Variants in DYDC1 observed in about 807,000 individuals in gnomAD.
DYDC1 encodes the protein DPY30 domain containing 1.
A neutral mutation model predicts 27.9 loss-of-function variants in DYDC1; 21 were observed. That is an observed-to-expected ratio of 0.75 (90% confidence interval 0.53 to 1.08). DYDC1 has a LOEUF of 1.08. Among genes scored for constraint, DYDC1 ranks in the 50% least tolerant of loss-of-function variants. The pLI, the probability that DYDC1 is intolerant of heterozygous loss-of-function variation, is 0.00. For synonymous variants in DYDC1, 67 were observed against 65.8 expected, an observed-to-expected ratio of 1.02 and a Z score of -0.09; for missense variants, 202 against 205.9, an observed-to-expected ratio of 0.98 and a Z score of 0.12.
At chr10:80,348,404 T>A (rs983759224) in intron 3 of DYDC1, among the ~76,000 whole-genome samples, 4 of 152,212 alleles carry the variant, frequency 2.6e-5, no homozygotes, top group African/African-American at 9.6e-5. Flanking sequence ...TGGCAAAACA[T>A]CACTCATATG....
chr10:80,354,121 T>TAA (rs373127565), intron 1 of DYDC1, among the ~76,000 whole-genome samples: 13,951 of 143,892 alleles, frequency 0.097, 909 homozygotes, highest in South Asian at 0.27. Context: ...GTCTCATATA[T>TAA]AAAAAAAAAT....
Position 80,356,724 on chromosome 10 carries a change from G to A in DYDC1, c.-22C>T. 2 of 985,248 alleles carry A rather than the reference G, an allele frequency of 2.0e-6. No homozygotes were observed. Among genetic ancestry groups the A allele is most frequent in the Non-Finnish European group, 2.4e-6 (2 of 829,780 alleles). The allele number at this position is 985,248 out of a possible 1,614,324, so 61.0% of individuals were successfully genotyped here. ...CCGGTGCGCTCACCCCTACACACGC[G>A]CCTGCTCGCCACCCAGGAGCGGCGT... On this transcript the variant is annotated 5_prime_UTR_variant, in exon 1 of 7. Coordinates refer to ENST00000372202, the MANE Select transcript of DYDC1 (RefSeq NM_001269053.2).
intron 3 of DYDC1, among the ~76,000 whole-genome samples, chr10:80,348,869 C>T (rs1842819541): frequency 6.6e-6 from 1 of 152,096 alleles, no homozygotes; most frequent in African/African-American, 2.4e-5. Context: ...TGCATAAAAC[C>T]TCATTACAGA....
At chr10:80,337,242 C>A (rs1842162023) in intron 6 of DYDC1, 1 of 985,344 alleles carries the variant, frequency 1.0e-6, no homozygotes, top group Non-Finnish European at 1.2e-6. Flanking sequence ...CTCAAAGAAG[C>A]TTCCCCATTG....
chr10:80,346,476 T>TTTTTTTTTTTTTTTTTTTG (rs1193935552), intron 3 of DYDC1, among the ~76,000 whole-genome samples: 1 of 141,408 alleles, frequency 7.1e-6, no homozygotes, highest in East Asian at 2.0e-4. Context: ...TTTTTTCTTT[T>TTTTTTTTTTTTTTTTTTTG]TTGAGACGGA....
intron 4 of DYDC1, among the ~76,000 whole-genome samples, chr10:80,339,616 A>T (rs1454918759): frequency 1.3e-5 from 2 of 152,160 alleles, no homozygotes; most frequent in Middle Eastern, 3.2e-3. Flanking sequence ...GCCCTCTTTA[A>T]TACTCTGAGC....
chr10:80,345,935 G>C (rs1208750970), intron 3 of DYDC1, among the ~76,000 whole-genome samples: 1 of 152,134 alleles, frequency 6.6e-6, no homozygotes, highest in African/African-American at 2.4e-5. Flanking sequence ...TCAACCTCCA[G>C]GGCTCAATTA....
At chr10:80,355,237 A>G (rs1843289839) in intron 1 of DYDC1, among the ~76,000 whole-genome samples, 2 of 152,030 alleles carry the variant, frequency 1.3e-5, no homozygotes, top group South Asian at 4.2e-4. Context: ...GGACAAATGC[A>G]TCTAGCATTT....
intron 1 of DYDC1, chr10:80,356,130 G>T: frequency 1.9e-5 from 11 of 570,142 alleles, no homozygotes; most frequent in Non-Finnish European, 2.4e-5. Context: ...GCTCTGTCTC[G>T]GATTTCTGGG....
chr10:80,341,336 G>A (rs1227229209), intron 4 of DYDC1, among the ~76,000 whole-genome samples: 1 of 150,638 alleles, frequency 6.6e-6, no homozygotes, highest in East Asian at 2.0e-4. Context: ...CCAGCTACTC[G>A]GGAGGCTGAG....
chr10:80,350,922 C>A (rs368135964), intron 3 of DYDC1, among the ~76,000 whole-genome samples: 1 of 152,196 alleles, frequency 6.6e-6, no homozygotes, highest in Non-Finnish European at 1.5e-5. Flanking sequence ...CTACCCCAAT[C>A]CTGCTTCAAT....
At chr10:80,353,049 C>T (rs1040376436) in intron 1 of DYDC1, among the ~76,000 whole-genome samples, 2 of 151,960 alleles carry the variant, frequency 1.3e-5, no homozygotes, top group African/African-American at 4.8e-5. Flanking sequence ...GGGTTTGTAC[C>T]CACCTCTTGA....
rs1843365127 is a variant in DYDC1, at chr10:80,356,319, G to A, written c.-10+393C>T. 4.1e-6 allele frequency: 4 copies of A among 985,496 alleles called. No homozygotes were observed. In the South Asian group the frequency reaches 1.9e-4, roughly 46 times the overall value. The allele number at this position is 985,496 out of a possible 1,614,324, so 61.0% of individuals were successfully genotyped here. On this transcript the variant is annotated intron_variant, in intron 1 of 6. Coordinates refer to ENST00000372202, the MANE Select transcript of DYDC1 (RefSeq NM_001269053.2). ...CAGAAACAGCTGCCTCCAGCGTGAAGAAGGTGCCACAGAGATGGAAGGAGA... is the reference window on the plus strand; with the variant it reads ...CAGAAACAGCTGCCTCCAGCGTGAAAAAGGTGCCACAGAGATGGAAGGAGA...
At chr10:80,356,523 C>A in intron 1 of DYDC1, 189 bp downstream of exon 1, 1 of 985,524 alleles carries the variant, frequency 1.0e-6, no homozygotes, top group Non-Finnish European at 1.2e-6. Flanking sequence ...CAGCGCTCCC[C>A]GCTCAGGGGG....
At chr10:80,338,768 T>C (rs1342245389) in intron 5 of DYDC1, among the ~76,000 whole-genome samples, 197 bp from the exon 6 acceptor site, 3 of 152,202 alleles carry the variant, frequency 2.0e-5, no homozygotes, top group Non-Finnish European at 4.4e-5. Context: ...AAGCTACAAT[T>C]CTGGTAATAA....
chr10:80,352,448 T>G lies in DYDC1; in HGVS notation c.147+7A>C. 1 of 1,592,170 alleles carries G rather than the reference T, an allele frequency of 6.3e-7. No homozygotes were observed. On this transcript the variant is annotated splice_region_variant and intron_variant, in intron 2 of 6. Coordinates refer to ENST00000372202, the MANE Select transcript of DYDC1 (RefSeq NM_001269053.2). ...TTCTAATTTCCTAGAAGGAGATTCC[T>G]ACTTACCAGTTGTTCCATGGTCACA... is the stretch of plus-strand genomic sequence containing the variant.
intron 3 of DYDC1, among the ~76,000 whole-genome samples, chr10:80,349,451 A>G (rs939140847): frequency 1.3e-5 from 2 of 152,218 alleles, no homozygotes; most frequent in African/African-American, 2.4e-5. Context: ...CCTGTAAAGC[A>G]TAAAATGTCT....
intron 1 of DYDC1, chr10:80,356,474 C>A (rs1843374394): frequency 1.0e-6 from 1 of 985,346 alleles, no homozygotes; most frequent in Non-Finnish European, 1.2e-6. Flanking sequence ...TTTTCCCACC[C>A]GGGAGTCTGG....
intron 3 of DYDC1, among the ~76,000 whole-genome samples, chr10:80,351,365 C>A (rs1842961771): frequency 6.6e-6 from 1 of 152,084 alleles, no homozygotes; most frequent in African/African-American, 2.4e-5. Context: ...CTAATGTCAC[C>A]CACTCACTCC....
Sources: gnomAD v4.1 joint callset for allele counts (sites outside exome capture counted in the v4.1 genomes callset) on GRCh38, gnomAD v4.1.1 for gene constraint, MANE v1.5 for transcripts, NCBI Gene and HGNC (gene_info 2026-07-23, HGNC 2026-07-21) for gene names.